The following EXOC6B variants were observed in gnomAD, a reference collection of about 807,000 sequenced individuals.
EXOC6B encodes the protein exocyst complex component 6B, also known as SEC15 homolog B.
Under a neutral mutation model 113.5 loss-of-function variants are expected in EXOC6B, and 54 were observed. That is an observed-to-expected ratio of 0.48 (90% CI 0.38 to 0.60). The LOEUF is 0.60. EXOC6B is among the 20% of genes least tolerant of loss of function. The pLI is 0.00. For missense variants in EXOC6B, 797 were observed against 977.5 expected, an observed-to-expected ratio of 0.82 and a Z score of 2.46; for synonymous variants, 357 against 339.0, an observed-to-expected ratio of 1.05 and a Z score of -0.58.
chr2:72,326,814 C>G (rs1029191680), intron 20 of EXOC6B, among the ~76,000 whole-genome samples: 1 of 151,836 alleles, frequency 6.6e-6, no homozygotes, highest in African/African-American at 2.4e-5. Context: ...TTTGCACCAA[C>G]ATAATATACT....
At chr2:72,328,378 G>A (rs1224328242) in intron 20 of EXOC6B, among the ~76,000 whole-genome samples, 3 of 151,380 alleles carry the variant, frequency 2.0e-5, no homozygotes, top group Admixed American at 2.0e-4. Flanking sequence ...AAACTCTATA[G>A]CTGTTTCCTA....
chr2:72,331,601 A>C (rs1377282314), intron 20 of EXOC6B, among the ~76,000 whole-genome samples: 1 of 152,100 alleles, frequency 6.6e-6, no homozygotes, highest in Non-Finnish European at 1.5e-5. Context: ...TGATTTTTGC[A>C]TGAGAAGTCA....
intron 20 of EXOC6B, among the ~76,000 whole-genome samples, chr2:72,325,387 G>C (rs747527857): frequency 1.6e-4 from 24 of 152,022 alleles, no homozygotes; most frequent in Non-Finnish European, 5.9e-5. Context: ...TCCTTCCTTG[G>C]GTACCATTGC....
intron 6 of EXOC6B, among the ~76,000 whole-genome samples, chr2:72,714,938 T>C (rs2104704464): frequency 6.6e-6 from 1 of 152,268 alleles, no homozygotes; most frequent in African/African-American, 2.4e-5. Flanking sequence ...GAGGGAATGA[T>C]AATGTCAAAA....
chr2:72,733,004 A>G, intron 3 of EXOC6B, 67 bp downstream of exon 3: 1 of 1,082,402 alleles, frequency 9.2e-7, no homozygotes, highest in South Asian at 1.3e-5. Context: ...CTAAATGAAT[A>G]ACATAGTCAT....
chr2:72,714,220 T>C (rs1176408390), intron 6 of EXOC6B, among the ~76,000 whole-genome samples: 1 of 152,200 alleles, frequency 6.6e-6, no homozygotes, highest in African/African-American at 2.4e-5. Context: ...GTTGGAAATA[T>C]GGTGTTGCCC....
chr2:72,590,462 T>C (rs1705868879), intron 6 of EXOC6B, among the ~76,000 whole-genome samples: 1 of 152,018 alleles, frequency 6.6e-6, no homozygotes, highest in Non-Finnish European at 1.5e-5. Context: ...GCTTGATTCA[T>C]ATTCCCCAGA....
intron 6 of EXOC6B, among the ~76,000 whole-genome samples, chr2:72,713,423 CTTTTT>C (rs201532908): frequency 6.7e-6 from 1 of 149,534 alleles, no homozygotes; most frequent in Non-Finnish European, 1.5e-5. Context: ...AGAACAAATT[CTTTTT>C]TTTTTCTTTT....
chr2:72,559,450 C>A lies in EXOC6B; in HGVS notation c.915+3G>T. 1 of 1,597,336 alleles carries A rather than the reference C, an allele frequency of 6.3e-7. No homozygotes were observed. Among genetic ancestry groups the A allele is most frequent in the African/African-American group, 1.4e-5 (1 of 74,072 alleles). ...TATTAGGCAGAGCCAGATAAAGACT[C>A]ACCAGGACAGAATATATATGTAGAC... is the stretch of plus-strand genomic sequence containing the variant. On this transcript the variant is annotated splice_donor_region_variant and intron_variant, in intron 8 of 21. Coordinates refer to ENST00000272427, the MANE Select transcript of EXOC6B (RefSeq NM_015189.3).
intron 6 of EXOC6B, among the ~76,000 whole-genome samples, chr2:72,673,854 C>G (rs1676091176): frequency 6.6e-6 from 1 of 150,376 alleles, no homozygotes; most frequent in Non-Finnish European, 1.5e-5. Flanking sequence ...CAATTATAAG[C>G]ATGTACTTAG....
chr2:72,518,591 C>T (rs2105702321), intron 8 of EXOC6B, among the ~76,000 whole-genome samples: 1 of 150,986 alleles, frequency 6.6e-6, no homozygotes, highest in East Asian at 2.0e-4. Flanking sequence ...ACGAATGAGT[C>T]AGAAGAATAA....
chr2:72,757,138 T>C (rs1280571602), intron 1 of EXOC6B, among the ~76,000 whole-genome samples: 2 of 152,198 alleles, frequency 1.3e-5, no homozygotes, highest in African/African-American at 2.4e-5. Flanking sequence ...AACTGGTTCA[T>C]AGTAGATGCT....
At chr2:72,457,894 T>C (rs1428818902) in intron 18 of EXOC6B, among the ~76,000 whole-genome samples, 1 of 152,164 alleles carries the variant, frequency 6.6e-6, no homozygotes, top group East Asian at 1.9e-4. Context: ...CTCTGACCAC[T>C]GCCTATCTAA....
In EXOC6B at chr2:72,437,719, G is replaced by A. The variant is rs369844015; in HGVS notation, c.1980+27441C>T. Among the ~76,000 whole-genome samples the A allele has an allele frequency of 1.5e-4, 23 of 152,266 alleles. 2 individuals are homozygous for A. The highest frequency in any genetic ancestry group is 4.6e-4 in the African/African-American group (19 of 41,554). ...GCTTTTTCAATAAATTTTGCTGCAT[G>A]TTAACTCCTCTCATATGAACACTGA... On this transcript the variant is annotated intron_variant, in intron 18 of 21. Coordinates refer to ENST00000272427, the MANE Select transcript of EXOC6B (RefSeq NM_015189.3).
intron 12 of EXOC6B, 44 bp from the exon 13 acceptor site, chr2:72,498,595 T>A (rs377415818): frequency 4.1e-5 from 57 of 1,381,920 alleles, no homozygotes; most frequent in Non-Finnish European, 5.2e-5. Context: ...AAGGAAGGAG[T>A]TTTTTTTTCG....
chr2:72,669,366 G>A (rs1675628474), intron 6 of EXOC6B, among the ~76,000 whole-genome samples: 1 of 150,322 alleles, frequency 6.7e-6, no homozygotes, highest in African/African-American at 2.4e-5. Context: ...AAAACAGAAG[G>A]GAAAAACGAA....
At chr2:72,309,987 A>C (rs907986248) in intron 20 of EXOC6B, among the ~76,000 whole-genome samples, 2 of 152,178 alleles carry the variant, frequency 1.3e-5, no homozygotes, top group African/African-American at 4.8e-5. Context: ...TTGATGGCTG[A>C]ATAATATTCC....
intron 6 of EXOC6B, among the ~76,000 whole-genome samples, chr2:72,595,374 T>C (rs1276118255): frequency 6.7e-6 from 1 of 148,452 alleles, no homozygotes. Context: ...AGGCTAATAA[T>C]ATAATTTTAA....
At chr2:72,567,263 G>T (rs1249734629) in intron 7 of EXOC6B, among the ~76,000 whole-genome samples, 1 of 151,996 alleles carries the variant, frequency 6.6e-6, no homozygotes. Context: ...GAACTATACA[G>T]ATTTAGTGGG....
Sources: gnomAD v4.1 joint callset for allele counts (sites outside exome capture counted in the v4.1 genomes callset) on GRCh38, gnomAD v4.1.1 for gene constraint, MANE v1.5 for transcripts, NCBI Gene and HGNC (gene_info 2026-07-23, HGNC 2026-07-21) for gene names.